Variants in EML5 observed in about 807,000 individuals in gnomAD.
EML5 encodes the protein EMAP like 5.
A neutral mutation model predicts 250.0 loss-of-function variants in EML5; 120 were observed. The observed-to-expected ratio is 0.48, with a 90% CI of 0.41 to 0.56. The LOEUF is 0.56. Among genes scored for constraint, EML5 ranks in the 20% least tolerant of loss-of-function variants. EML5 has a pLI of 0.00. For missense variants in EML5, 2,006 were observed against 2,437.6 expected (o/e 0.82, Z 3.73); for synonymous variants, 771 against 806.5 (o/e 0.96, Z 0.75).
intron 4 of EML5, among the ~76,000 whole-genome samples, chr14:88,743,723 A>G (rs2093961023): frequency 6.6e-6 from 1 of 152,104 alleles, no homozygotes; most frequent in African/African-American, 2.4e-5. Context: ...TCAACATTTT[A>G]CTTTGTAAGT....
At chr14:88,689,547 ATTCCTTCC>A (rs200722411) in intron 17 of EML5, among the ~76,000 whole-genome samples, 5 of 152,000 alleles carry the variant, frequency 3.3e-5, no homozygotes, top group East Asian at 3.9e-4. Flanking sequence ...GGACTCACAA[ATTCCTTCC>A]TTCCTTCCTT....
chr14:88,680,529 G>A (rs985670424), intron 21 of EML5, among the ~76,000 whole-genome samples: 1 of 151,862 alleles, frequency 6.6e-6, no homozygotes, highest in Non-Finnish European at 1.5e-5. Context: ...AGTGGTTCTC[G>A]ATGGTAGCAC....
At position 88,618,634 on chromosome 14, in the gene EML5, A is replaced by G. The variant is rs992763832; in HGVS notation, c.5538+16T>C. The stretch of plus-strand genomic sequence containing the variant: ...AGAAGAACTTGCCACCTGGGTATAC[A>G]GTATTGGTACTGTACCTGGAGATAA... On this transcript the variant is annotated intron_variant, in intron 40 of 43. Transcript: ENST00000554922. The G allele has an allele frequency of 1.9e-6, 3 of 1,598,140 alleles. No individual in the cohort carries two copies. The highest frequency in any genetic ancestry group is 1.8e-5 in the Admixed American group (1 of 56,832).
chr14:88,671,151 A>C (rs1434656436), intron 21 of EML5, among the ~76,000 whole-genome samples: 1 of 152,218 alleles, frequency 6.6e-6, no homozygotes, highest in Non-Finnish European at 1.5e-5. Flanking sequence ...TGTTAAGGGC[A>C]GTCAGAGATA....
At chr14:88,677,077 G>C (rs1011972547) in intron 21 of EML5, among the ~76,000 whole-genome samples, 1 of 152,092 alleles carries the variant, frequency 6.6e-6, no homozygotes, top group South Asian at 2.1e-4. Context: ...GTTAATTTTT[G>C]TATTTTTAGT....
intron 2 of EML5, among the ~76,000 whole-genome samples, chr14:88,747,473 A>C (rs2094023012): frequency 6.6e-6 from 1 of 152,070 alleles, no homozygotes; most frequent in Non-Finnish European, 1.5e-5. Context: ...ACACAAACAC[A>C]ACAAAATAAG....
At chr14:88,703,139 G>C (rs1320261148) in intron 13 of EML5, among the ~76,000 whole-genome samples, 1 of 151,802 alleles carries the variant, frequency 6.6e-6, no homozygotes, top group Non-Finnish European at 1.5e-5. Flanking sequence ...ATAATACTGA[G>C]TGAAAAAAAC....
chr14:88,640,598 CA>C (rs2091008401), intron 31 of EML5, among the ~76,000 whole-genome samples: 1 of 152,058 alleles, frequency 6.6e-6, no homozygotes, highest in Non-Finnish European at 1.5e-5. Context: ...ATGCCTATCT[CA>C]AAATGTTAGA....
rs750192898 is a variant in EML5, at chr14:88,705,613, T to A, written c.1826-25A>T. 7 of 1,500,714 alleles carry A rather than the reference T, an allele frequency of 4.7e-6. No homozygotes were observed. In the South Asian group the frequency reaches 7.2e-5, roughly 16 times the overall value. 93.0% of individuals were successfully genotyped at this position (1,500,714 alleles called of 1,614,324 possible). On this transcript the variant is annotated intron_variant, in intron 11 of 43. Coordinates refer to ENST00000554922, the MANE Select transcript of EML5 (RefSeq NM_183387.3). ...TCTGTAATTTTTAAAAATGAAATGT[T>A]ACTTGTTTAAAGAAGATTCATTTTC...
chr14:88,741,707 G>C (rs746414203), intron 4 of EML5, among the ~76,000 whole-genome samples: 28 of 151,994 alleles, frequency 1.8e-4, no homozygotes, highest in Non-Finnish European at 4.0e-4. Flanking sequence ...CACATGGTAG[G>C]ATCCCATCTC....
Position 88,726,680 on chromosome 14 carries a change from T to C in EML5, c.1050-2A>G. On this transcript the variant is annotated splice_acceptor_variant, in intron 7 of 43. Transcript: ENST00000554922. LOFTEE classifies it high-confidence loss of function. ...GCATGATCTACTAGGCTCCATATCCTGTAAAATTTAATTTAAAAAATAAAA... is the reference window on the plus strand; with the variant it reads ...GCATGATCTACTAGGCTCCATATCCCGTAAAATTTAATTTAAAAAATAAAA... The C allele has an allele frequency of 1.3e-6, 2 of 1,523,152 alleles. No individual in the cohort carries two copies. The highest frequency in any genetic ancestry group is 8.8e-7 in the Non-Finnish European group (1 of 1,135,634). The allele number at this position is 1,523,152 out of a possible 1,614,324, so 94.4% of individuals were successfully genotyped here.
intron 1 of EML5, among the ~76,000 whole-genome samples, chr14:88,775,517 G>C (rs879617276): frequency 2.0e-5 from 3 of 151,916 alleles, no homozygotes; most frequent in Non-Finnish European, 2.9e-5. Context: ...AGTGGCTGTA[G>C]GGAGAGGCTC....
At chr14:88,767,113 C>T (rs1388489342) in intron 1 of EML5, among the ~76,000 whole-genome samples, 1 of 152,120 alleles carries the variant, frequency 6.6e-6, no homozygotes, top group Non-Finnish European at 1.5e-5. Flanking sequence ...TTAAAATTTT[C>T]CAGAGAATGC....
At chr14:88,648,798 CG>C (rs2091477137) in intron 28 of EML5, among the ~76,000 whole-genome samples, 1 of 151,978 alleles carries the variant, frequency 6.6e-6, no homozygotes, top group Non-Finnish European at 1.5e-5. Context: ...AGGCTAGATC[CG>C]GGTGCTTTAT....
chr14:88,646,870 T>C (rs2140726265), intron 29 of EML5, 77 bp downstream of exon 29: 4 of 1,450,080 alleles, frequency 2.8e-6, no homozygotes, highest in Middle Eastern at 1.8e-4. Context: ...TAAGTAACAG[T>C]ATCCCATTAA....
chr14:88,657,547 T>A (rs774581969), intron 26 of EML5, 45 bp from the exon 27 acceptor site: 2 of 1,503,732 alleles, frequency 1.3e-6, no homozygotes, highest in South Asian at 1.3e-5. Context: ...ATAACTGAGA[T>A]CAATTATGAT....
At chr14:88,692,668 A>T (rs2401747) in intron 17 of EML5, among the ~76,000 whole-genome samples, 97,662 of 152,108 alleles carry the variant, frequency 0.64, 33,433 homozygotes, top group East Asian at 0.94. Context: ...ACTGTAGTAT[A>T]TGCTGCGAAT....
intron 3 of EML5, among the ~76,000 whole-genome samples, chr14:88,745,005 A>T (rs2093982701): frequency 6.6e-6 from 1 of 152,136 alleles, no homozygotes; most frequent in Non-Finnish European, 1.5e-5. Context: ...AACCACAATA[A>T]TACTTTCAAA....
rs2092105682 is a variant in EML5, at chr14:88,661,666, T to A, written c.3663A>T (p.Arg1221Ser). 1.2e-6 allele frequency: 2 copies of A among 1,612,290 alleles called. No homozygotes were observed. Among genetic ancestry groups the A allele is most frequent in the East Asian group, 4.5e-5 (2 of 44,796 alleles). ...GDDLGFVKLF[R>S]YPTKGKFGKF... ...GAAAAACACATACTTTAGTAGGATA[T>A]CTAAATAACTTCACAAATCCCAAAT... The change falls in exon 25 of 44, where the codon AGA (arginine) becomes AGT (serine). Residue 1221 changes from arginine (R) to serine (S), a missense_variant. Physicochemically the swap from Arg to Ser is moderately radical, Grantham distance 110. Coordinates refer to ENST00000554922, the MANE Select transcript of EML5 (RefSeq NM_183387.3).
Sources: gnomAD v4.1 joint callset for allele counts (sites outside exome capture counted in the v4.1 genomes callset) on GRCh38, gnomAD v4.1.1 for gene constraint, MANE v1.5 for transcripts, NCBI Gene and HGNC (gene_info 2026-07-23, HGNC 2026-07-21) for gene names.